CEP20: variants seen among roughly 807,000 people sequenced by gnomAD.
The protein encoded by CEP20 is centrosomal protein 20.
A neutral mutation model predicts 20.0 loss-of-function variants in CEP20; 18 were observed. That is an observed-to-expected ratio of 0.90 (90% CI 0.62 to 1.34). The LOEUF is 1.34. Among genes scored for constraint, CEP20 ranks in the 40% most tolerant of loss-of-function variants. The pLI, the probability that CEP20 is intolerant of heterozygous loss-of-function variation, is 0.00. For missense variants in CEP20, 215 were observed against 201.6 expected (o/e 1.07, Z -0.40); for synonymous variants, 77 against 73.7 (o/e 1.04, Z -0.23).
At chr16:15,880,847 C>T (rs940190756) in intron 2 of CEP20, among the ~76,000 whole-genome samples, 5 of 151,722 alleles carry the variant, frequency 3.3e-5, no homozygotes, top group African/African-American at 7.3e-5. Context: ...ACTGCACATG[C>T]GAGGGATCTG....
At chr16:15,887,145 T>C (rs2045265163) in intron 1 of CEP20, among the ~76,000 whole-genome samples, 1 of 152,098 alleles carries the variant, frequency 6.6e-6, no homozygotes, top group Non-Finnish European at 1.5e-5. Flanking sequence ...GCTCAAGCGA[T>C]CCTCCCAAAG....
rs1216597441 is a variant in CEP20, at chr16:15,883,164, C to G, written c.226+844G>C. 3.3e-5 allele frequency: 5 copies of G among 152,082 alleles called. No homozygotes were observed. The East Asian group carries it at 9.7e-4, about 29-fold the overall frequency. 9.4% of individuals were successfully genotyped at this position (152,082 alleles called of 1,614,324 possible). A position where few individuals can be genotyped will look rare whatever the true frequency, so the allele number is the denominator to read the frequency against. On this transcript the variant is annotated intron_variant, in intron 2 of 4. Coordinates refer to ENST00000255759, the MANE Select transcript of CEP20 (RefSeq NM_144600.4). ...ATCACCTGAGCCCAGGAGTTCAATA[C>G]CAGGCTGGGCAACATAGTGAGAGCT...
chr16:15,883,051 CA>C (rs200250125), intron 2 of CEP20: 2 of 147,196 alleles, frequency 1.4e-5, no homozygotes, highest in African/African-American at 2.5e-5. Context: ...GACTCCGTCT[CA>C]AAAAAAAAGA....
chr16:15,884,972 A>C (rs1018337445), intron 1 of CEP20: 1 of 152,054 alleles, frequency 6.6e-6, no homozygotes, highest in Non-Finnish European at 1.5e-5. Context: ...ATTAAAGAAA[A>C]CAACTACATT....
chr16:15,879,308 T>A (rs2045043459), intron 3 of CEP20, among the ~76,000 whole-genome samples: 1 of 151,924 alleles, frequency 6.6e-6, no homozygotes. Flanking sequence ...CATTCCTAAG[T>A]TGGAGTGAAG....
intron 1 of CEP20, chr16:15,885,885 T>C (rs1359377848): frequency 6.6e-6 from 1 of 152,204 alleles, no homozygotes; most frequent in Non-Finnish European, 1.5e-5. Context: ...ATCATGGGAT[T>C]TGGCTGTACA....
At chr16:15,872,096 T>C (rs1031756684) in intron 4 of CEP20, among the ~76,000 whole-genome samples, 2 of 152,032 alleles carry the variant, frequency 1.3e-5, no homozygotes, top group East Asian at 1.9e-4. Flanking sequence ...GGGCGGATCA[T>C]GAGGTCAGGA....
At chr16:15,875,317 TAA>T (rs1477535243) in intron 3 of CEP20, among the ~76,000 whole-genome samples, 1 of 152,214 alleles carries the variant, frequency 6.6e-6, no homozygotes, top group Non-Finnish European at 1.5e-5. Flanking sequence ...TTTTAAATGT[TAA>T]AAGTTTTATT....
chr16:15,868,226 A>G (rs1241881112), intron 4 of CEP20, among the ~76,000 whole-genome samples: 1 of 151,750 alleles, frequency 6.6e-6, no homozygotes, highest in Admixed American at 6.6e-5. Context: ...CAAATAGATC[A>G]CCTGAGGTCA....
chr16:15,869,040 C>CCTGGGAGACAGAGTGAGACCCT (rs2044750331), intron 4 of CEP20, among the ~76,000 whole-genome samples: 1 of 150,800 alleles, frequency 6.6e-6, no homozygotes, highest in Non-Finnish European at 1.5e-5. Context: ...TGCACTCCAG[C>CCTGGGAGACAGAGTGAGACCCT]CTGGGAGACA....
rs372262999 is a variant in CEP20, at chr16:15,884,131, C to A, written c.103G>T (p.Ala35Ser). ...KARIRAEVFN[A>S]LDDDREPRPS... ...CGGGGTTCACGGTCATCATCTAGGG[C>A]ATTGAAAACTTCAGCTCGGATCCTT... is the stretch of plus-strand genomic sequence containing the variant. Residue 35 changes from alanine to serine, a missense_variant, in exon 2 of 5, where the codon GCC (alanine) becomes TCC (serine). Coordinates refer to ENST00000255759, the MANE Select transcript of CEP20 (RefSeq NM_144600.4). The A allele has an allele frequency of 6.2e-7, 1 of 1,614,032 alleles. No homozygotes were observed. Among genetic ancestry groups the A allele is most frequent in the Non-Finnish European group, 8.5e-7 (1 of 1,180,014 alleles).
At chr16:15,886,745 T>G (rs922461328) in intron 1 of CEP20, among the ~76,000 whole-genome samples, 1 of 152,212 alleles carries the variant, frequency 6.6e-6, no homozygotes, top group Non-Finnish European at 1.5e-5. Flanking sequence ...GTAAGGTAAC[T>G]GGCTGGCAAA....
chr16:15,878,787 C>A lies in CEP20; in HGVS notation c.311+1017G>T, dbSNP rs566999723. The stretch of plus-strand genomic sequence containing the variant: ...GTGCTGGGACTACAGGCATGAGCCA[C>A]CACGTCTGGCTAGAGATGGGGTTTC... On this transcript the variant is annotated intron_variant, in intron 3 of 4. Transcript: ENST00000255759. Among the ~76,000 whole-genome samples, 60 of 152,224 alleles carry A rather than the reference C, an allele frequency of 3.9e-4. No homozygotes were observed. In the South Asian group the frequency reaches 0.011, roughly 28 times the overall value.
intron 1 of CEP20, among the ~76,000 whole-genome samples, chr16:15,885,506 C>T (rs2045220315): frequency 6.6e-6 from 1 of 152,108 alleles, no homozygotes; most frequent in South Asian, 2.1e-4. Flanking sequence ...AATTCTCCTG[C>T]CTCAGCCTCC....
chr16:15,878,632 G>C (rs1345469427), intron 3 of CEP20, among the ~76,000 whole-genome samples: 1 of 151,982 alleles, frequency 6.6e-6, no homozygotes, highest in Non-Finnish European at 1.5e-5. Flanking sequence ...TAGCAGCTGG[G>C]ACTACAGGCA....
At chr16:15,868,762 GA>G (rs35004554) in intron 4 of CEP20, among the ~76,000 whole-genome samples, 1 of 151,770 alleles carries the variant, frequency 6.6e-6, no homozygotes, top group African/African-American at 2.4e-5. Flanking sequence ...TTGCTGGACA[GA>G]AAAAAAATTA....
intron 2 of CEP20, among the ~76,000 whole-genome samples, chr16:15,883,426 C>T (rs1009801737): frequency 1.3e-5 from 2 of 152,084 alleles, no homozygotes; most frequent in Non-Finnish European, 2.9e-5. Flanking sequence ...GTGATGCGAT[C>T]ATGGCTCACT....
At chr16:15,884,765 A>T (rs1000275775) in intron 1 of CEP20, among the ~76,000 whole-genome samples, 1 of 152,022 alleles carries the variant, frequency 6.6e-6, no homozygotes, top group Admixed American at 6.6e-5. Context: ...CAGCCTCCCA[A>T]AGTGTTGGGA....
chr16:15,872,292 C>T (rs1019883857), intron 4 of CEP20, among the ~76,000 whole-genome samples: 2 of 150,526 alleles, frequency 1.3e-5, no homozygotes, highest in East Asian at 2.0e-4. Context: ...CTAGCCTGGG[C>T]GACAGAGCGA....
Sources: allele counts gnomAD v4.1 joint callset (sites outside exome capture counted in the v4.1 genomes callset), GRCh38; gene constraint gnomAD v4.1.1; transcripts MANE v1.5; gene names NCBI Gene and HGNC (gene_info 2026-07-23, HGNC 2026-07-21).